Variants in CCDC85C observed in about 807,000 individuals in gnomAD.
CCDC85C encodes coiled-coil domain containing 85C.
Under a neutral mutation model 38.3 loss-of-function variants are expected in CCDC85C, and 18 were observed. That is an observed-to-expected ratio of 0.47 (90% CI 0.33 to 0.70). The LOEUF (loss-of-function observed/expected upper bound fraction) is 0.70. Ranked by LOEUF, CCDC85C falls within the 30% of genes least tolerant of loss-of-function variation. The pLI, the probability that CCDC85C is intolerant of heterozygous loss-of-function variation, is 0.03. For missense variants in CCDC85C, 566 were observed against 621.2 expected (o/e 0.91, Z 0.94); for synonymous variants, 264 against 293.8 (o/e 0.90, Z 1.04).
At chr14:99,594,965 T>C (rs1450834947) in intron 1 of CCDC85C, among the ~76,000 whole-genome samples, 2 of 152,192 alleles carry the variant, frequency 1.3e-5, no homozygotes, top group Admixed American at 6.5e-5. Flanking sequence ...GTAAAAAGTT[T>C]CCAGTTTCTA....
At chr14:99,539,469 CAAAAAAA>C (rs5810957) in intron 1 of CCDC85C, among the ~76,000 whole-genome samples, 6 of 108,488 alleles carry the variant, frequency 5.5e-5, no homozygotes, top group South Asian at 3.2e-4. Flanking sequence ...GACTCCATCT[CAAAAAAA>C]AAAAAAAAAA....
intron 2 of CCDC85C, among the ~76,000 whole-genome samples, chr14:99,525,001 G>A (rs370837180): frequency 3.4e-4 from 52 of 152,356 alleles, no homozygotes; most frequent in East Asian, 2.5e-3. Flanking sequence ...AACACTCAGC[G>A]TGGCCCCTTC....
At chr14:99,560,824 C>T (rs1421094083) in intron 1 of CCDC85C, among the ~76,000 whole-genome samples, 2 of 152,242 alleles carry the variant, frequency 1.3e-5, no homozygotes, top group East Asian at 1.9e-4. Flanking sequence ...ACCACCTCTG[C>T]CCGATACCAG....
At chr14:99,567,214 A>T (rs1898232777) in intron 1 of CCDC85C, among the ~76,000 whole-genome samples, 1 of 145,424 alleles carries the variant, frequency 6.9e-6, no homozygotes, top group Non-Finnish European at 1.5e-5. Context: ...AGGTTCACCC[A>T]CACATTCACA....
intron 1 of CCDC85C, among the ~76,000 whole-genome samples, chr14:99,557,140 C>T (rs934770145): frequency 1.3e-5 from 2 of 152,184 alleles, no homozygotes; most frequent in South Asian, 2.1e-4. Flanking sequence ...CAGTAACCTT[C>T]GGAGAAAAAT....
chr14:99,571,445 G>C (rs1379680905), intron 1 of CCDC85C, among the ~76,000 whole-genome samples: 3 of 152,242 alleles, frequency 2.0e-5, no homozygotes, highest in Non-Finnish European at 4.4e-5. Flanking sequence ...GCAGGTGCCA[G>C]AGGTGCACAG....
intron 1 of CCDC85C, among the ~76,000 whole-genome samples, chr14:99,590,399 C>G (rs1008229128): frequency 6.6e-6 from 1 of 152,190 alleles, no homozygotes; most frequent in Non-Finnish European, 1.5e-5. Flanking sequence ...CAGAAACCCT[C>G]AGCTGATGGG....
Position 99,558,538 on chromosome 14 carries a change from T to A in CCDC85C, c.794-22450A>T, listed in dbSNP as rs1898053924. On this transcript the variant is annotated intron_variant, in intron 1 of 5. Coordinates refer to ENST00000380243, the MANE Select transcript of CCDC85C (RefSeq NM_001144995.2). The surrounding 1 kb of genome is among the most constrained non-coding windows in gnomAD (Gnocchi z 4.2). ...CGGGAGGCTGAGGCAGGAGAATTGC[T>A]TGAACCCAGGAGGTGGAGGTTGCAG... Among the ~76,000 whole-genome samples, 4 of 152,290 alleles carry A rather than the reference T, an allele frequency of 2.6e-5. No homozygotes were observed. The South Asian group carries it at 8.3e-4, about 32-fold the overall frequency.
chr14:99,530,775 C>T (rs570450078), intron 2 of CCDC85C, among the ~76,000 whole-genome samples: 26 of 152,354 alleles, frequency 1.7e-4, no homozygotes, highest in African/African-American at 6.0e-4. Context: ...GACACTGAGA[C>T]TCTGGGAGAG....
In CCDC85C at chr14:99,536,103, G is replaced by A. The variant is rs779013024; in HGVS notation, c.794-15C>T. On this transcript the variant is annotated splice_polypyrimidine_tract_variant and intron_variant, in intron 1 of 5. Transcript: ENST00000380243. ...GGATGAGGGATCTGGAAGGACACAAGAGGAAGGGGGACATTAGCCTCCAGC... is the reference window on the plus strand; with the variant it reads ...GGATGAGGGATCTGGAAGGACACAAAAGGAAGGGGGACATTAGCCTCCAGC... 7.2e-6 allele frequency: 11 copies of A among 1,528,876 alleles called. No homozygotes were observed. The African/African-American group carries it at 1.4e-4, about 19-fold the overall frequency. The allele number at this position is 1,528,876 out of a possible 1,614,324, so 94.7% of individuals were successfully genotyped here.
chr14:99,587,553 C>G (rs143169407), intron 1 of CCDC85C, among the ~76,000 whole-genome samples: 221 of 152,358 alleles, frequency 1.5e-3, no homozygotes, highest in African/African-American at 4.9e-3. Flanking sequence ...CCCAGCCAGC[C>G]CTGTCCCTCA....
rs116067626 is a variant in CCDC85C at position 99,592,225 on chromosome 14, T to C, written c.793+10942A>G. On this transcript the variant is annotated intron_variant, in intron 1 of 5. Transcript: ENST00000380243. Reference sequence around the variant, plus strand: ...GTCATTTAATTGTAATGAAAGTGAATTGAAGCAGCTACATATGGCTAGTGG... The same window carrying C: ...GTCATTTAATTGTAATGAAAGTGAACTGAAGCAGCTACATATGGCTAGTGG... 5.7e-3 allele frequency among the ~76,000 whole-genome samples: 873 copies of C among 152,254 alleles called. 8 individuals are homozygous for C. The highest frequency in any genetic ancestry group is 0.02 in the African/African-American group (834 of 41,538).
chr14:99,575,125 C>T (rs1306469952), intron 1 of CCDC85C, among the ~76,000 whole-genome samples: 1 of 152,252 alleles, frequency 6.6e-6, no homozygotes. Flanking sequence ...TTCCTTCCTG[C>T]TGGCTGGCCC....
In CCDC85C at chr14:99,533,871, A is replaced by G. The variant is rs927098057; in HGVS notation, c.867+2144T>C. On this transcript the variant is annotated intron_variant, in intron 2 of 5. Transcript: ENST00000380243. This position sits in a 1 kb window ranked among gnomAD's most constrained non-coding sequence, Gnocchi z 4.2. ...GGGCACCCCAGGAAGGAAGGCAGGA[A>G]GAAGGGCTGCTCCTCCACAGCCCGC... Among the ~76,000 whole-genome samples, 2 of 152,222 alleles carry G rather than the reference A, an allele frequency of 1.3e-5. No individual in the cohort carries two copies. Among genetic ancestry groups the G allele is most frequent in the African/African-American group, 4.8e-5 (2 of 41,462 alleles).
rs772704588 is a variant in CCDC85C at position 99,502,577 on chromosome 14, T to C, written c.*12669A>G. The C allele has an allele frequency of 5.5e-5, 66 of 1,196,230 alleles. No individual in the cohort carries two copies. Among genetic ancestry groups the C allele is most frequent in the Middle Eastern group, 2.2e-4 (1 of 4,504 alleles). The allele number at this position is 1,196,230 out of a possible 1,614,324, so 74.1% of individuals were successfully genotyped here. A position where few individuals can be genotyped will look rare whatever the true frequency, so the allele number is the denominator to read the frequency against. ...GTAAACTAAAAATACACACCAGTGT[T>C]GCACACAACGAAGATGGGGTGAGTT... On this transcript the variant is annotated 3_prime_UTR_variant, in exon 6 of 6. Coordinates refer to ENST00000380243, the MANE Select transcript of CCDC85C (RefSeq NM_001144995.2).
Position 99,510,204 on chromosome 14 carries a change from G to T in CCDC85C, c.*5042C>A. The T allele has an allele frequency of 6.3e-7, 1 of 1,597,564 alleles. No homozygotes were observed. The highest frequency in any genetic ancestry group is 1.1e-5 in the South Asian group (1 of 88,698). On this transcript the variant is annotated 3_prime_UTR_variant, in exon 6 of 6. Coordinates refer to ENST00000380243, the MANE Select transcript of CCDC85C (RefSeq NM_001144995.2). ...TGCCTTAGGTGAGGCTGAGCCGCCG[G>T]GCCCTGTGGATGCCACTGACCTCCC... is the stretch of plus-strand genomic sequence containing the variant.
intron 1 of CCDC85C, among the ~76,000 whole-genome samples, chr14:99,596,191 G>A (rs192372855): frequency 5.3e-5 from 8 of 152,298 alleles, no homozygotes; most frequent in Admixed American, 3.3e-4. Context: ...ACCATCAGCC[G>A]CAGACACAGT....
At chr14:99,589,037 C>A (rs1259671930) in intron 1 of CCDC85C, among the ~76,000 whole-genome samples, 1 of 145,660 alleles carries the variant, frequency 6.9e-6, no homozygotes, top group Admixed American at 6.9e-5. Flanking sequence ...AAAACATCGA[C>A]CCAACCCTAA....
intron 3 of CCDC85C, among the ~76,000 whole-genome samples, chr14:99,518,147 C>CA (rs1250457281): frequency 6.6e-6 from 1 of 152,176 alleles, no homozygotes; most frequent in East Asian, 1.9e-4. Flanking sequence ...CCCACCCACC[C>CA]AGGCCTGCAT....
Sources: gnomAD v4.1 joint callset for allele counts (sites outside exome capture counted in the v4.1 genomes callset) on GRCh38, gnomAD v4.1.1 for gene constraint, Gnocchi (gnomAD v3.1) non-coding constraint, MANE v1.5 for transcripts, NCBI Gene and HGNC (gene_info 2026-07-23, HGNC 2026-07-21) for gene names.